Variants in DEGS1 observed in about 807,000 individuals in gnomAD.
DEGS1 encodes the protein delta 4-desaturase, sphingolipid 1.
DEGS1 carries 17 observed loss-of-function variants against 24.1 expected under a neutral mutation model. The ratio of observed to expected loss-of-function variants is 0.70; its 90% CI spans 0.48 to 1.06. The LOEUF (loss-of-function observed/expected upper bound fraction) is 1.06. Among genes scored for constraint, DEGS1 ranks in the 50% least tolerant of loss-of-function variants. The probability of loss-of-function intolerance (pLI) is 0.00; values close to 1 mark genes in which losing one functional copy is unlikely to be tolerated. For synonymous variants in DEGS1, 134 were observed against 140.0 expected, an observed-to-expected ratio of 0.96 and a Z score of 0.30; for missense variants, 366 against 408.9, an observed-to-expected ratio of 0.90 and a Z score of 0.91.
At chr1:224,189,032 A>G (rs36086207) in intron 1 of DEGS1, among the ~76,000 whole-genome samples, 67,491 of 152,002 alleles carry the variant, frequency 0.44, 16,160 homozygotes, top group South Asian at 0.54. Context: ...GTTGATAACA[A>G]GTCGGTCTAG....
In DEGS1 at chr1:224,192,348, C is replaced by G; in HGVS notation, c.842C>G (p.Ala281Gly). The G allele has an allele frequency of 6.2e-7, 1 of 1,612,444 alleles. No homozygotes were observed. Among genetic ancestry groups the G allele is most frequent in the Non-Finnish European group, 8.5e-7 (1 of 1,179,606 alleles). The change falls in exon 3 of 3, where the codon GCT becomes GGT. Residue 281 changes from alanine to glycine, a missense_variant. Coordinates refer to ENST00000323699, the MANE Select transcript of DEGS1 (RefSeq NM_003676.4). ...CCCTTCTAGGTGAGGAAAATAGCAGCTGAATACTATGACAACCTCCCTCAC... is the reference window on the plus strand; with the variant it reads ...CCCTTCTAGGTGAGGAAAATAGCAGGTGAATACTATGACAACCTCCCTCAC... ...KSLPLVRKIA[A>G]EYYDNLPHYN...
chr1:224,186,040 T>G (rs1332150761), intron 1 of DEGS1, among the ~76,000 whole-genome samples: 1 of 151,884 alleles, frequency 6.6e-6, no homozygotes, highest in East Asian at 1.9e-4. Flanking sequence ...TAGCTAGGCG[T>G]GCATGCCTGT....
chr1:224,189,449 C>A, intron 1 of DEGS1, 128 bp from the exon 2 acceptor site: 1 of 631,128 alleles, frequency 1.6e-6, no homozygotes, highest in Middle Eastern at 4.3e-4. Flanking sequence ...CCACTAAAGT[C>A]TCTAGTAAAG....
In DEGS1 at chr1:224,189,595, A is replaced by G. The variant is rs147100470; in HGVS notation, c.101A>G (p.Lys34Arg). The stretch of plus-strand genomic sequence containing the variant: ...TTTACAGCAAAGTATCCAGAGATAA[A>G]GTCCTTGATGAAACCTGATCCCAAT... Reference protein sequence around the residue: ...REILAKYPEIKSLMKPDPNLI... With the variant: ...REILAKYPEIRSLMKPDPNLI... The change falls in exon 2 of 3, where the codon AAG (lysine) becomes AGG (arginine). Residue 34 changes from lysine to arginine, a missense_variant. By Grantham distance (26) the Lys-to-Arg change is conservative. Coordinates refer to ENST00000323699, the MANE Select transcript of DEGS1 (RefSeq NM_003676.4). 94 of 1,597,422 alleles carry G rather than the reference A, an allele frequency of 5.9e-5. No individual in the cohort carries two copies. The East Asian group carries it at 2.1e-3, about 36-fold the overall frequency.
intron 1 of DEGS1, among the ~76,000 whole-genome samples, chr1:224,188,289 TTTTCAATAAAATAATA>T (rs1343545909): frequency 1.1e-4 from 16 of 152,248 alleles, no homozygotes; most frequent in African/African-American, 2.9e-4. Context: ...AAATAATATA[TTTTCAATAAAATAATA>T]TTTCAATAAA....
chr1:224,188,111 A>G (rs1572042129), intron 1 of DEGS1, among the ~76,000 whole-genome samples: 1 of 151,938 alleles, frequency 6.6e-6, no homozygotes, highest in East Asian at 1.9e-4. Flanking sequence ...ATAATATTTT[A>G]GCTGGGCACA....
At position 224,192,537 on chromosome 1, in the gene DEGS1, T is replaced by C. The variant is rs1658569785; in HGVS notation, c.*59T>C. 3.2e-6 allele frequency: 5 copies of C among 1,542,446 alleles called. No homozygotes were observed. The South Asian group carries it at 6.0e-5, about 19-fold the overall frequency. On this transcript the variant is annotated 3_prime_UTR_variant, in exon 3 of 3. Transcript: ENST00000323699. Reference sequence around the variant, plus strand: ...ACTTTAGATGATAAAATGGAATTTTTGCATTATTAAACTTGAGACCAGTGA... The same window carrying C: ...ACTTTAGATGATAAAATGGAATTTTCGCATTATTAAACTTGAGACCAGTGA...
In DEGS1 at chr1:224,183,344, GC is replaced by G. The variant is rs1331406980; in HGVS notation, c.10del (p.Arg4AlafsTer30). 1 of 1,479,688 alleles carries G rather than the reference GC, an allele frequency of 6.8e-7. No individual in the cohort carries two copies. The highest frequency in any genetic ancestry group is 2.4e-5 in the Admixed American group (1 of 41,170). The allele number at this position is 1,479,688 out of a possible 1,614,324, so 91.7% of individuals were successfully genotyped here. A position where few individuals can be genotyped will look rare whatever the true frequency, so the allele number is the denominator to read the frequency against. On this transcript the variant is annotated frameshift_variant, in exon 1 of 3. Coordinates refer to ENST00000323699, the MANE Select transcript of DEGS1 (RefSeq NM_003676.4). LOFTEE classifies it high-confidence loss of function. MGSRVSREDFEWV... is the reference protein window; with the variant it reads MGXRVSREDFEWV... ...CAAGCCACCGCTGTCGCCATGGGGA[GC>G]CGCGTCTCGCGGGAAGACTTCGAGT...
intron 1 of DEGS1, among the ~76,000 whole-genome samples, chr1:224,188,090 C>T (rs994993183): frequency 6.6e-6 from 1 of 151,940 alleles, no homozygotes; most frequent in African/African-American, 2.4e-5. Flanking sequence ...CCACTGCACC[C>T]AGCCATTAGC....
intron 1 of DEGS1, among the ~76,000 whole-genome samples, chr1:224,188,900 AT>A (rs1658461492): frequency 1.3e-5 from 2 of 152,032 alleles, no homozygotes; most frequent in African/African-American, 4.8e-5. Context: ...GGCCATGAAG[AT>A]TTATTTCTAT....
At chr1:224,184,823 G>T (rs1658335411) in intron 1 of DEGS1, among the ~76,000 whole-genome samples, 1 of 151,940 alleles carries the variant, frequency 6.6e-6, no homozygotes, top group African/African-American at 2.4e-5. Flanking sequence ...GCCAGAGCAC[G>T]AGCTTTTTAA....
chr1:224,185,773 C>T (rs1469591442), intron 1 of DEGS1, among the ~76,000 whole-genome samples: 1 of 152,190 alleles, frequency 6.6e-6, no homozygotes, highest in Non-Finnish European at 1.5e-5. Flanking sequence ...GGATTACAGG[C>T]GTGAGCCACC....
In DEGS1 at chr1:224,189,715, A is replaced by C. The variant is rs780710131; in HGVS notation, c.221A>C (p.Tyr74Ser). ...LDWKWVIFGA[Y>S]AFGSCINHSM... The stretch of plus-strand genomic sequence containing the variant: ...TGGAAATGGGTCATATTTGGGGCCT[A>C]TGCGTTTGGCAGTTGCATTAACCAC... The change falls in exon 2 of 3, where the codon TAT becomes TCT. Residue 74 changes from tyrosine to serine, a missense_variant. By Grantham distance (144) the Tyr-to-Ser change is moderately radical (BLOSUM62 -2). Coordinates refer to ENST00000323699, the MANE Select transcript of DEGS1 (RefSeq NM_003676.4). The C allele has an allele frequency of 1.2e-6, 2 of 1,614,202 alleles. No individual in the cohort carries two copies. The highest frequency in any genetic ancestry group is 2.2e-5 in the East Asian group (1 of 44,886).
intron 1 of DEGS1, among the ~76,000 whole-genome samples, chr1:224,186,110 C>G (rs978368660): frequency 1.3e-5 from 2 of 151,918 alleles, no homozygotes; most frequent in Admixed American, 6.6e-5. Context: ...CGAGGCCAAC[C>G]TGGGCAACAT....
At chr1:224,184,300 G>A (rs1185179133) in intron 1 of DEGS1, among the ~76,000 whole-genome samples, 1 of 152,142 alleles carries the variant, frequency 6.6e-6, no homozygotes, top group African/African-American at 2.4e-5. Context: ...TAATATGCTA[G>A]GGATTGTGTG....
intron 1 of DEGS1, among the ~76,000 whole-genome samples, chr1:224,187,034 C>G (rs1364991581): frequency 6.6e-6 from 1 of 152,108 alleles, no homozygotes; most frequent in Non-Finnish European, 1.5e-5. Flanking sequence ...ATGAGCTGGG[C>G]TGGGTGGCTC....
At chr1:224,187,017 C>T (rs560680175) in intron 1 of DEGS1, among the ~76,000 whole-genome samples, 5 of 152,178 alleles carry the variant, frequency 3.3e-5, no homozygotes, top group African/African-American at 1.2e-4. Context: ...GTTTGAAATT[C>T]GTGAGGATGA....
At chr1:224,191,186 G>A (rs1451746851) in intron 2 of DEGS1, 2 of 151,980 alleles carry the variant, frequency 1.3e-5, no homozygotes, top group Non-Finnish European at 2.9e-5. Context: ...TCAGGAGTTC[G>A]AGACCAGCCT....
intron 1 of DEGS1, among the ~76,000 whole-genome samples, chr1:224,184,024 G>A (rs1658310564): frequency 6.6e-6 from 1 of 152,240 alleles, no homozygotes; most frequent in Non-Finnish European, 1.5e-5. Flanking sequence ...GGGCTTCTCG[G>A]ACTTGATGGG....
Sources: allele counts gnomAD v4.1 joint callset (sites outside exome capture counted in the v4.1 genomes callset), GRCh38; gene constraint gnomAD v4.1.1; transcripts MANE v1.5; gene names NCBI Gene and HGNC (gene_info 2026-07-23, HGNC 2026-07-21).